The following NELL1 variants were observed in gnomAD, a reference collection of about 807,000 sequenced individuals.
NELL1 encodes the protein neural EGFL like 1.
Under a neutral mutation model 107.4 loss-of-function variants are expected in NELL1, and 76 were observed. The ratio of observed to expected loss-of-function variants is 0.71; its 90% CI spans 0.59 to 0.86. The LOEUF (loss-of-function observed/expected upper bound fraction) is 0.86. Ranked by LOEUF, NELL1 falls within the 40% of genes least tolerant of loss-of-function variation. The probability of loss-of-function intolerance (pLI) is 0.00; values close to 1 mark genes in which losing one functional copy is unlikely to be tolerated. For synonymous variants in NELL1, 353 were observed against 341.2 expected (o/e 1.03, Z -0.38); for missense variants, 1,024 against 1,005.5 (o/e 1.02, Z -0.25).
intron 15 of NELL1, among the ~76,000 whole-genome samples, chr11:21,494,902 T>C (rs1218687893): frequency 6.6e-6 from 1 of 151,952 alleles, no homozygotes; most frequent in Non-Finnish European, 1.5e-5. Flanking sequence ...TTAGAAAAAT[T>C]AGTGATGTAG....
intron 14 of NELL1, among the ~76,000 whole-genome samples, chr11:21,287,667 A>C (rs1849154619): frequency 6.6e-6 from 1 of 152,136 alleles, no homozygotes; most frequent in South Asian, 2.1e-4. Context: ...CTTCTTCATT[A>C]GATGAATTTC....
chr11:20,911,030 T>C (rs1850119490), intron 5 of NELL1, among the ~76,000 whole-genome samples: 1 of 152,230 alleles, frequency 6.6e-6, no homozygotes. Context: ...GAAGGCACTC[T>C]TCCTGTCTTT....
chr11:20,848,748 C>T (rs2134058937), intron 4 of NELL1, among the ~76,000 whole-genome samples: 1 of 152,254 alleles, frequency 6.6e-6, no homozygotes, highest in Non-Finnish European at 1.5e-5. Context: ...CTTCAGACCG[C>T]ATTTCTCATG....
intron 5 of NELL1, among the ~76,000 whole-genome samples, chr11:20,913,143 T>C (rs1439543283): frequency 6.6e-6 from 1 of 152,164 alleles, no homozygotes. Context: ...GTCCTACTTT[T>C]TGTTAGCCTG....
chr11:21,113,672 TG>T lies in NELL1; in HGVS notation c.1385del (p.Cys462LeufsTer141), dbSNP rs759545292. 1 of 1,612,194 alleles carries T rather than the reference TG, an allele frequency of 6.2e-7. No homozygotes were observed. The highest frequency in any genetic ancestry group is 1.3e-5 in the African/African-American group (1 of 74,802). On this transcript the variant is annotated frameshift_variant, in exon 13 of 20. Coordinates refer to ENST00000357134, the MANE Select transcript of NELL1 (RefSeq NM_006157.5). LOFTEE classifies it high-confidence loss of function. ...VNLPGLYRCD[C>X]VPGYIRVDDF... The stretch of plus-strand genomic sequence containing the variant: ...CCTTCCTGGGTTATATCGCTGTGAC[TG>T]TGTCCCAGGATACATTCGTGTGGAT...
chr11:20,918,931 T>A lies in NELL1; in HGVS notation c.677-321T>A, dbSNP rs553577872. 1.2e-4 allele frequency among the ~76,000 whole-genome samples: 18 copies of A among 152,082 alleles called. No homozygotes were observed. In the South Asian group the frequency reaches 3.5e-3, roughly 30 times the overall value. On this transcript the variant is annotated intron_variant, in intron 6 of 19. Transcript: ENST00000357134. ...TTAAGATTCTTGACCTGGATGAGAG[T>A]TTACTTTTTCTTCTTCTATGATACT...
At chr11:20,924,964 C>T (rs761012116) in intron 7 of NELL1, among the ~76,000 whole-genome samples, 5 of 152,068 alleles carry the variant, frequency 3.3e-5, no homozygotes, top group Non-Finnish European at 5.9e-5. Context: ...TTCCATGTAC[C>T]GAGTACTGCA....
chr11:20,825,559 T>A (rs553717933), intron 3 of NELL1, among the ~76,000 whole-genome samples: 1 of 151,286 alleles, frequency 6.6e-6, no homozygotes, highest in Non-Finnish European at 1.5e-5. Flanking sequence ...TATTGCCTCA[T>A]TGGATTTCGA....
At chr11:20,882,157 G>A (rs1849420876) in intron 4 of NELL1, among the ~76,000 whole-genome samples, 1 of 152,170 alleles carries the variant, frequency 6.6e-6, no homozygotes, top group Non-Finnish European at 1.5e-5. Flanking sequence ...ACTTTGGCTG[G>A]CATGTATAGC....
At chr11:21,233,142 C>A (rs558003512) in intron 14 of NELL1, among the ~76,000 whole-genome samples, 95 of 152,222 alleles carry the variant, frequency 6.2e-4, no homozygotes, top group African/African-American at 2.2e-3. Context: ...CCGTGGTGGT[C>A]GATGCCCATG....
At chr11:21,540,484 A>G (rs887672142) in intron 16 of NELL1, among the ~76,000 whole-genome samples, 1 of 152,082 alleles carries the variant, frequency 6.6e-6, no homozygotes, top group Non-Finnish European at 1.5e-5. Flanking sequence ...TCGCACTACT[A>G]TAAGGAACTT....
intron 2 of NELL1, among the ~76,000 whole-genome samples, chr11:20,744,171 G>T (rs1323491056): frequency 6.6e-6 from 1 of 152,064 alleles, no homozygotes; most frequent in African/African-American, 2.4e-5. Context: ...CTGGTATCCT[G>T]TCCTCCACTT....
At chr11:21,373,551 T>C (rs1291611751) in intron 15 of NELL1, among the ~76,000 whole-genome samples, 2 of 152,132 alleles carry the variant, frequency 1.3e-5, no homozygotes, top group Non-Finnish European at 2.9e-5. Flanking sequence ...TTACTGGTTT[T>C]ATTCATTGCT....
At chr11:20,754,972 A>C (rs1030490598) in intron 2 of NELL1, among the ~76,000 whole-genome samples, 1 of 152,326 alleles carries the variant, frequency 6.6e-6, no homozygotes, top group South Asian at 2.1e-4. Flanking sequence ...CACACTCTTA[A>C]TGCTGTTTTA....
intron 14 of NELL1, among the ~76,000 whole-genome samples, chr11:21,255,523 G>A (rs933797485): frequency 6.6e-6 from 1 of 151,778 alleles, no homozygotes; most frequent in South Asian, 2.1e-4. Flanking sequence ...GCAAACATCT[G>A]GGGGAGAAAA....
chr11:20,954,381 A>G (rs1255444145), intron 11 of NELL1, among the ~76,000 whole-genome samples: 1 of 152,066 alleles, frequency 6.6e-6, no homozygotes, highest in Non-Finnish European at 1.5e-5. Flanking sequence ...TGCTCCTATC[A>G]AGTTTCTACC....
rs573534652 is a variant in NELL1 at position 20,717,802 on chromosome 11, ATAAT to A, written c.184+39743_184+39746del. 3.3e-5 allele frequency among the ~76,000 whole-genome samples: 5 copies of A among 152,278 alleles called. No homozygotes were observed. The South Asian group carries it at 1.0e-3, about 32-fold the overall frequency. On this transcript the variant is annotated intron_variant, in intron 2 of 19. Coordinates refer to ENST00000357134, the MANE Select transcript of NELL1 (RefSeq NM_006157.5). The stretch of plus-strand genomic sequence containing the variant: ...TCCTTTAATTTTTGTCCCCCAGTAA[ATAAT>A]AAATAACTCCATAAACTCTACTTGT...
chr11:21,482,319 G>T (rs764914217), intron 15 of NELL1, among the ~76,000 whole-genome samples: 4 of 152,170 alleles, frequency 2.6e-5, no homozygotes, highest in Non-Finnish European at 5.9e-5. Context: ...CTGGGTAGGA[G>T]TATCTGATTA....
chr11:21,563,737 C>A (rs184462766), intron 17 of NELL1, among the ~76,000 whole-genome samples: 54 of 151,962 alleles, frequency 3.6e-4, no homozygotes, highest in Non-Finnish European at 7.2e-4. Flanking sequence ...GGTCCTTGAA[C>A]CAATCCCCCA....
Sources: allele counts gnomAD v4.1 joint callset (sites outside exome capture counted in the v4.1 genomes callset), GRCh38; gene constraint gnomAD v4.1.1; transcripts MANE v1.5; gene names NCBI Gene and HGNC (gene_info 2026-07-23, HGNC 2026-07-21).